MKNK1: variants seen among roughly 807,000 people sequenced by gnomAD.
MKNK1 encodes MAPK interacting serine/threonine kinase 1, also known as MAP kinase-interacting serine/threonine-protein kinase 1.
In MKNK1, 30 loss-of-function variants were observed where a neutral mutation model predicts 49.3. The ratio of observed to expected loss-of-function variants is 0.61; its 90% CI spans 0.46 to 0.83. The LOEUF (loss-of-function observed/expected upper bound fraction) is 0.83, where lower values mean the gene tolerates loss of function less well. Ranked by LOEUF, MKNK1 falls within the 40% of genes least tolerant of loss-of-function variation. The probability of loss-of-function intolerance (pLI) is 0.00; values close to 1 mark genes in which losing one functional copy is unlikely to be tolerated. For missense variants in MKNK1, 423 were observed against 524.7 expected (o/e 0.81, Z 1.89); for synonymous variants, 176 against 201.7 (o/e 0.87, Z 1.08).
chr1:46,568,099 G>A (rs763475894), intron 8 of MKNK1: 8 of 209,458 alleles, frequency 3.8e-5, no homozygotes, highest in Non-Finnish European at 5.7e-5. Context: ...TCCAGCTTGG[G>A]TGGCAAAGTG....
At chr1:46,571,616 C>T in intron 7 of MKNK1, 1 of 363,608 alleles carries the variant, frequency 2.8e-6, no homozygotes, top group Non-Finnish European at 5.3e-6. Context: ...CTACATATAT[C>T]CTATCATGCC....
intron 12 of MKNK1, chr1:46,559,714 A>G: frequency 6.0e-6 from 1 of 165,468 alleles, no homozygotes; most frequent in Non-Finnish European, 1.3e-5. Flanking sequence ...GCGTGATCGC[A>G]GCTCACTGCA....
chr1:46,575,217 T>C, intron 5 of MKNK1, 197 bp from the exon 6 acceptor site: 1 of 529,464 alleles, frequency 1.9e-6, no homozygotes, highest in South Asian at 2.5e-5. Context: ...TCACCTTATC[T>C]TTCCATAATG....
chr1:46,560,102 G>C, intron 12 of MKNK1, 132 bp downstream of exon 12: 1 of 957,354 alleles, frequency 1.0e-6, no homozygotes, highest in South Asian at 1.4e-5. Flanking sequence ...AAGAGAGTGA[G>C]GAGGGGAAAT....
intron 2 of MKNK1, among the ~76,000 whole-genome samples, chr1:46,592,796 C>T (rs1473354777): frequency 2.6e-5 from 4 of 152,180 alleles, no homozygotes; most frequent in Admixed American, 2.0e-4. Flanking sequence ...CTCTGTATCC[C>T]CACTGCCTAG....
intron 9 of MKNK1, among the ~76,000 whole-genome samples, chr1:46,564,065 A>AAAAAAAAAAAAAAAAAAAAAAAAT (rs35726393): frequency 6.8e-6 from 1 of 146,230 alleles, no homozygotes; most frequent in Non-Finnish European, 1.5e-5. Flanking sequence ...AAAAAAAAAA[A>AAAAAAAAAAAAAAAAAAAAAAAAT]GGGTTATTAG....
intron 1 of MKNK1, among the ~76,000 whole-genome samples, chr1:46,597,852 C>T (rs982527523): frequency 6.6e-6 from 1 of 152,014 alleles, no homozygotes; most frequent in Non-Finnish European, 1.5e-5. Flanking sequence ...ATTAGAAGAC[C>T]GAGTACAGTC....
At chr1:46,600,157 C>A (rs1299929110) in intron 1 of MKNK1, among the ~76,000 whole-genome samples, 1 of 152,204 alleles carries the variant, frequency 6.6e-6, no homozygotes, top group Non-Finnish European at 1.5e-5. Context: ...CTTCCAAACT[C>A]CCACTTTGTT....
At chr1:46,591,606 A>G (rs938174173) in intron 2 of MKNK1, among the ~76,000 whole-genome samples, 1 of 152,176 alleles carries the variant, frequency 6.6e-6, no homozygotes, top group South Asian at 2.1e-4. Flanking sequence ...GAAAGCTGAC[A>G]AAGGTGGGCT....
intron 2 of MKNK1, among the ~76,000 whole-genome samples, chr1:46,590,049 G>A (rs1002640899): frequency 3.3e-5 from 5 of 152,096 alleles, no homozygotes; most frequent in South Asian, 2.1e-4. Context: ...CTTTAAGAGC[G>A]ATTTCCCTCA....
intron 3 of MKNK1, 104 bp downstream of exon 3, chr1:46,583,124 G>C (rs1671989808): frequency 5.9e-6 from 5 of 843,988 alleles, no homozygotes; most frequent in African/African-American, 1.7e-5. Flanking sequence ...ACCACCATCT[G>C]GCTCTAACTT....
At chr1:46,596,708 C>T (rs1296893335) in intron 1 of MKNK1, among the ~76,000 whole-genome samples, 1 of 152,192 alleles carries the variant, frequency 6.6e-6, no homozygotes, top group African/African-American at 2.4e-5. Context: ...ATTAAGTGAG[C>T]TAATGTATAT....
rs1672902477 is a variant in MKNK1, at chr1:46,588,582, CG to C, written c.-2-5254del. On this transcript the variant is annotated intron_variant, in intron 2 of 12. Coordinates refer to ENST00000371945, the MANE Select transcript of MKNK1 (RefSeq NM_001135553.4). ...CAGCACTTTGGGAGGCCGAGGCGGG[CG>C]GATCACGAGGTCAGGAGATCGAGAC... is the stretch of plus-strand genomic sequence containing the variant. 2.0e-5 allele frequency among the ~76,000 whole-genome samples: 3 copies of C among 152,048 alleles called. No individual in the cohort carries two copies. The South Asian group carries it at 6.2e-4, about 32-fold the overall frequency.
chr1:46,600,393 G>T (rs1423029703), intron 1 of MKNK1, among the ~76,000 whole-genome samples: 1 of 152,184 alleles, frequency 6.6e-6, no homozygotes, highest in Non-Finnish European at 1.5e-5. Context: ...CCTATACTGG[G>T]AATCTTTACA....
At chr1:46,596,982 G>A (rs1273328273) in intron 1 of MKNK1, among the ~76,000 whole-genome samples, 8 of 152,122 alleles carry the variant, frequency 5.3e-5, no homozygotes, top group Admixed American at 6.5e-5. Flanking sequence ...AATTCCTCTG[G>A]TCCCTTTTTC....
intron 2 of MKNK1, among the ~76,000 whole-genome samples, chr1:46,593,195 T>G (rs1039953301): frequency 2.0e-5 from 3 of 152,110 alleles, no homozygotes; most frequent in Non-Finnish European, 4.4e-5. Context: ...AAAAGACACA[T>G]CTCAAATTAT....
At chr1:46,593,875 A>AG in intron 2 of MKNK1, 1 of 297,286 alleles carries the variant, frequency 3.4e-6, no homozygotes, top group South Asian at 9.7e-5. Flanking sequence ...AAAAAAAAAA[A>AG]GTAAATAAAT....
chr1:46,562,195 A>C (rs1190487228), intron 10 of MKNK1, among the ~76,000 whole-genome samples: 2 of 152,012 alleles, frequency 1.3e-5, no homozygotes, highest in Non-Finnish European at 2.9e-5. Flanking sequence ...GGAGATTGAG[A>C]CCATCCTGGC....
intron 6 of MKNK1, chr1:46,574,644 T>C (rs967235956): frequency 3.2e-5 from 9 of 277,668 alleles, no homozygotes; most frequent in African/African-American, 6.6e-5. Context: ...ATAATTAATG[T>C]AGTTAAACAG....
Sources: allele counts gnomAD v4.1 joint callset (sites outside exome capture counted in the v4.1 genomes callset), GRCh38; gene constraint gnomAD v4.1.1; transcripts MANE v1.5; gene names NCBI Gene and HGNC (gene_info 2026-07-23, HGNC 2026-07-21).